Variants in CCSER1 observed in about 807,000 individuals in gnomAD.
CCSER1 encodes the protein coiled-coil serine rich protein 1, also known as serine-rich coiled-coil domain-containing protein 1.
Under a neutral mutation model 82.0 loss-of-function variants are expected in CCSER1, and 41 were observed. The ratio of observed to expected loss-of-function variants is 0.50; its 90% CI spans 0.39 to 0.65. The LOEUF is 0.65. Ranked by LOEUF, CCSER1 falls within the 30% of genes least tolerant of loss-of-function variation. The pLI is 0.00. For missense variants in CCSER1, 1,119 were observed against 1,064.2 expected (o/e 1.05, Z -0.72); for synonymous variants, 414 against 383.9 (o/e 1.08, Z -0.92).
intron 10 of CCSER1, among the ~76,000 whole-genome samples, chr4:91,246,446 G>A (rs1484403578): frequency 6.6e-6 from 1 of 152,036 alleles, no homozygotes; most frequent in East Asian, 1.9e-4. Context: ...AAGACAGGAC[G>A]GAAGGAAGGA....
At chr4:91,556,050 T>A (rs916890386) in intron 10 of CCSER1, among the ~76,000 whole-genome samples, 1 of 151,292 alleles carries the variant, frequency 6.6e-6, no homozygotes, top group African/African-American at 2.4e-5. Context: ...AAAACTTAAA[T>A]GAGTTAAGTA....
intron 3 of CCSER1, among the ~76,000 whole-genome samples, chr4:90,349,747 A>G (rs897088365): frequency 6.6e-6 from 1 of 152,112 alleles, no homozygotes; most frequent in African/African-American, 2.4e-5. Flanking sequence ...AATTAGAGTT[A>G]CAACAGTAAC....
intron 10 of CCSER1, among the ~76,000 whole-genome samples, chr4:91,294,029 G>A (rs1365146496): frequency 1.3e-5 from 2 of 151,432 alleles, no homozygotes; most frequent in East Asian, 3.9e-4. Context: ...ATTTCATGTT[G>A]AGGTCGCTCA....
intron 8 of CCSER1, among the ~76,000 whole-genome samples, chr4:90,879,493 A>T (rs1320276369): frequency 1.6e-5 from 2 of 123,526 alleles, no homozygotes; most frequent in East Asian, 4.1e-4. Flanking sequence ...AAAGAGGAAG[A>T]AGAAGAAGAA....
At chr4:91,019,976 T>C (rs1054485388) in intron 9 of CCSER1, among the ~76,000 whole-genome samples, 1 of 152,206 alleles carries the variant, frequency 6.6e-6, no homozygotes, top group East Asian at 1.9e-4. Context: ...ACTTTCAAAC[T>C]GATGATATGT....
intron 8 of CCSER1, among the ~76,000 whole-genome samples, chr4:90,910,271 G>C (rs527486618): frequency 1.8e-4 from 27 of 152,282 alleles, no homozygotes; most frequent in Admixed American, 1.5e-3. Flanking sequence ...ATTCACATGG[G>C]ATTTGTGTGG....
intron 9 of CCSER1, among the ~76,000 whole-genome samples, chr4:91,061,013 A>G (rs533760240): frequency 3.3e-5 from 5 of 152,204 alleles, no homozygotes; most frequent in Non-Finnish European, 5.9e-5. Context: ...TAATACCTAC[A>G]TATATTTTTA....
intron 8 of CCSER1, among the ~76,000 whole-genome samples, chr4:90,852,550 A>G (rs1251933483): frequency 6.6e-6 from 1 of 152,212 alleles, no homozygotes; most frequent in Non-Finnish European, 1.5e-5. Flanking sequence ...CTCACATTGC[A>G]GGAGACTGTT....
intron 5 of CCSER1, among the ~76,000 whole-genome samples, chr4:90,484,870 G>A (rs1218661882): frequency 1.3e-5 from 2 of 152,218 alleles, no homozygotes; most frequent in African/African-American, 4.8e-5. Flanking sequence ...ATCTCAAGCT[G>A]TGTGCTGGGA....
chr4:90,595,998 A>G (rs1783289536), intron 5 of CCSER1, among the ~76,000 whole-genome samples: 1 of 151,862 alleles, frequency 6.6e-6, no homozygotes, highest in African/African-American at 2.4e-5. Context: ...GTACTAACTG[A>G]TTCTTGGATT....
intron 10 of CCSER1, among the ~76,000 whole-genome samples, chr4:91,514,987 G>A (rs535158714): frequency 1.3e-5 from 2 of 152,058 alleles, no homozygotes; most frequent in South Asian, 2.1e-4. Context: ...CTGATTTACA[G>A]GTTAAGCTTA....
Position 91,455,437 on chromosome 4 carries a change from C to CTT in CCSER1, c.2218-143134_2218-143133dup, listed in dbSNP as rs577683176. On this transcript the variant is annotated intron_variant, in intron 10 of 10. Coordinates refer to ENST00000509176, the MANE Select transcript of CCSER1 (RefSeq NM_001145065.2). ...CAGGAATAGGATTGAGATTAGTGCT[C>CTT]TTATAAAAGAGATTGAATGGAGTGT... Among the ~76,000 whole-genome samples, 151 of 152,078 alleles carry CTT rather than the reference C, an allele frequency of 9.9e-4. 2 individuals are homozygous for CTT. Among genetic ancestry groups the CTT allele is most frequent in the African/African-American group, 3.5e-3 (145 of 41,496 alleles).
chr4:90,737,770 TA>T, intron 7 of CCSER1, among the ~76,000 whole-genome samples: 1 of 147,076 alleles, frequency 6.8e-6, no homozygotes, highest in East Asian at 2.1e-4. Flanking sequence ...CTAGATTTTG[TA>T]GGTGTGCTTC....
chr4:91,227,679 C>T (rs565463829), intron 10 of CCSER1, among the ~76,000 whole-genome samples: 1 of 151,842 alleles, frequency 6.6e-6, no homozygotes, highest in African/African-American at 2.4e-5. Flanking sequence ...TCCCTCCCTT[C>T]CCCTTTTGGA....
At chr4:91,304,070 T>C (rs1390733917) in intron 10 of CCSER1, among the ~76,000 whole-genome samples, 4 of 152,052 alleles carry the variant, frequency 2.6e-5, no homozygotes, top group Admixed American at 2.6e-4. Context: ...TTGCATTCTA[T>C]ATTAAACCAT....
chr4:90,571,155 G>A (rs180946158), intron 5 of CCSER1, among the ~76,000 whole-genome samples: 10 of 152,282 alleles, frequency 6.6e-5, no homozygotes, highest in South Asian at 2.1e-4. Flanking sequence ...TCCAGTCCCC[G>A]TGGAAAACAG....
At chr4:91,589,437 CTATGAAT>C (rs1367536661) in intron 10 of CCSER1, among the ~76,000 whole-genome samples, 1 of 151,854 alleles carries the variant, frequency 6.6e-6, no homozygotes, top group Non-Finnish European at 1.5e-5. Flanking sequence ...GCTATAAAGT[CTATGAAT>C]TATTCACACG....
chr4:90,830,192 A>G (rs1760958609), intron 8 of CCSER1, among the ~76,000 whole-genome samples: 1 of 152,146 alleles, frequency 6.6e-6, no homozygotes, highest in African/African-American at 2.4e-5. Flanking sequence ...AAATGTTGAG[A>G]AGTATATGAA....
intron 8 of CCSER1, among the ~76,000 whole-genome samples, chr4:90,893,792 T>G (rs199563228): frequency 0.043 from 6,177 of 145,326 alleles, 251 homozygotes; most frequent in African/African-American, 0.11. Flanking sequence ...TGTGTGTGTG[T>G]GGGGGGTGAA....
Sources: gnomAD v4.1 joint callset for allele counts (sites outside exome capture counted in the v4.1 genomes callset) on GRCh38, gnomAD v4.1.1 for gene constraint, MANE v1.5 for transcripts, NCBI Gene and HGNC (gene_info 2026-07-23, HGNC 2026-07-21) for gene names.